The following MROH9 variants were observed in gnomAD, a reference collection of about 807,000 sequenced individuals.
The protein encoded by MROH9 is maestro heat like repeat family member 9.
Under a neutral mutation model 98.2 loss-of-function variants are expected in MROH9, and 92 were observed. The ratio of observed to expected loss-of-function variants is 0.94; its 90% CI spans 0.79 to 1.11. The LOEUF (loss-of-function observed/expected upper bound fraction) is 1.11, where lower values mean the gene tolerates loss of function less well. MROH9 is among the 50% of genes most tolerant of loss of function. MROH9 has a pLI of 0.00. For missense variants in MROH9, 1,057 were observed against 1,014.8 expected, an observed-to-expected ratio of 1.04 and a Z score of -0.57; for synonymous variants, 397 against 368.9, an observed-to-expected ratio of 1.08 and a Z score of -0.87.
intron 20 of MROH9, among the ~76,000 whole-genome samples, chr1:171,037,304 A>G (rs1196455219): frequency 6.6e-6 from 1 of 151,202 alleles, no homozygotes; most frequent in Non-Finnish European, 1.5e-5. Context: ...AGGAAGGAAG[A>G]CTTTTGGAAG....
chr1:170,971,584 G>C (rs144258029), intron 7 of MROH9, among the ~76,000 whole-genome samples, 164 bp from the exon 8 acceptor site: 265 of 152,310 alleles, frequency 1.7e-3, no homozygotes, highest in African/African-American at 6.1e-3. Flanking sequence ...CACAGATGAG[G>C]AAATTGAGAG....
At chr1:171,022,169 T>C (rs929251032) in intron 17 of MROH9, among the ~76,000 whole-genome samples, 1 of 152,162 alleles carries the variant, frequency 6.6e-6, no homozygotes, top group African/African-American at 2.4e-5. Context: ...TTAATTCAAC[T>C]ATTGTGGAAT....
At chr1:170,981,763 TG>T (rs1460548437) in intron 8 of MROH9, among the ~76,000 whole-genome samples, 1 of 148,446 alleles carries the variant, frequency 6.7e-6, no homozygotes, top group Non-Finnish European at 1.5e-5. Flanking sequence ...AAACTCTCTA[TG>T]AAAAAAGACA....
intron 8 of MROH9, among the ~76,000 whole-genome samples, chr1:170,981,437 G>A (rs1487199201): frequency 6.6e-6 from 1 of 152,142 alleles, no homozygotes; most frequent in Non-Finnish European, 1.5e-5. Flanking sequence ...GGCACAAAAA[G>A]GAATGAGATC....
chr1:170,991,025 C>T (rs1316437038), intron 11 of MROH9, among the ~76,000 whole-genome samples: 3 of 152,144 alleles, frequency 2.0e-5, no homozygotes, highest in Non-Finnish European at 4.4e-5. Flanking sequence ...AGGAACTAAG[C>T]ACCCACTTTG....
At chr1:170,995,575 TC>T (rs1384757654) in intron 13 of MROH9, 44 bp downstream of exon 13, 1 of 1,605,112 alleles carries the variant, frequency 6.2e-7, no homozygotes, top group Admixed American at 1.7e-5. Flanking sequence ...GAGATAAGCG[TC>T]CAGCTGTCAA....
At position 170,996,563 on chromosome 1, in the gene MROH9, A is replaced by C. The variant is rs1651576951; in HGVS notation, c.1394A>C (p.Asp465Ala). 3.7e-6 allele frequency: 6 copies of C among 1,613,606 alleles called. No homozygotes were observed. Among genetic ancestry groups the C allele is most frequent in the Non-Finnish European group, 5.1e-6 (6 of 1,179,682 alleles). Residue 465 changes from aspartate (D) to alanine (A), a missense_variant, in exon 14 of 22, where the codon GAT (aspartate) becomes GCT (alanine). Asp to Ala is a moderately radical substitution (Grantham distance 126). Coordinates refer to ENST00000367759, the MANE Select transcript of MROH9 (RefSeq NM_001163629.2). ...LLNCSGLQQV[D>A]ITLMKENFWD... The stretch of plus-strand genomic sequence containing the variant: ...AATTGTTCTGGACTGCAACAGGTGG[A>C]TATTACTCTAATGAAGGAGAATTTC...
intron 3 of MROH9, among the ~76,000 whole-genome samples, chr1:170,957,787 A>ATT (rs1372647484): frequency 2.3e-5 from 3 of 127,996 alleles, no homozygotes; most frequent in Non-Finnish European, 5.0e-5. Flanking sequence ...CCCTGCTGGC[A>ATT]TTTTTTTGTT....
At chr1:171,042,460 T>C (rs1396248057) in intron 20 of MROH9, among the ~76,000 whole-genome samples, 2 of 152,136 alleles carry the variant, frequency 1.3e-5, no homozygotes, top group Non-Finnish European at 2.9e-5. Flanking sequence ...GAAATGCAGA[T>C]ATATCTTTGA....
In MROH9 at chr1:170,983,409, C is replaced by T; in HGVS notation, c.617-13C>T. 4 of 1,563,444 alleles carry T rather than the reference C, an allele frequency of 2.6e-6. No individual in the cohort carries two copies. Among genetic ancestry groups the T allele is most frequent in the Non-Finnish European group, 3.5e-6 (4 of 1,140,172 alleles). ...CAAATAACAACCTGAAACTCTTTTT[C>T]TTAACAAAGCAGATATTGGAACAAA... On this transcript the variant is annotated splice_polypyrimidine_tract_variant and intron_variant, in intron 8 of 21. Transcript: ENST00000367759.
intron 8 of MROH9, among the ~76,000 whole-genome samples, chr1:170,981,294 T>C (rs1650920068): frequency 6.6e-6 from 1 of 152,166 alleles, no homozygotes; most frequent in Non-Finnish European, 1.5e-5. Context: ...CATTCTACTA[T>C]AAAGACATAT....
intron 20 of MROH9, among the ~76,000 whole-genome samples, chr1:171,055,061 G>A (rs571382261): frequency 2.7e-5 from 4 of 150,342 alleles, no homozygotes; most frequent in East Asian, 1.9e-4. Context: ...ACTTGCACAC[G>A]CATGTTTATG....
intron 9 of MROH9, among the ~76,000 whole-genome samples, chr1:170,984,037 G>A (rs1216590507): frequency 2.0e-5 from 3 of 152,120 alleles, no homozygotes; most frequent in African/African-American, 4.8e-5. Context: ...ACACTGTCTC[G>A]ACCCTTGGGA....
chr1:170,999,330 C>A (rs1320594943), intron 15 of MROH9, among the ~76,000 whole-genome samples: 2 of 152,080 alleles, frequency 1.3e-5, no homozygotes, highest in African/African-American at 2.4e-5. Context: ...ACTCTTTCCC[C>A]CAAGTCCCCA....
Position 170,995,439 on chromosome 1 carries a change from G to A in MROH9, c.1245G>A (p.Ala415=), listed in dbSNP as rs768330738. 1.2e-5 allele frequency: 19 copies of A among 1,613,426 alleles called. No individual in the cohort carries two copies. The highest frequency in any genetic ancestry group is 6.6e-5 in the South Asian group (6 of 91,068). ...TFLPLGSYRK[A]VAQYFPQLLT... Reference sequence around the variant, plus strand: ...TGCCTCTTGGTTCCTACAGGAAAGCGGTGGCCCAGTATTTCCCCCAGCTCT... The same window carrying A: ...TGCCTCTTGGTTCCTACAGGAAAGCAGTGGCCCAGTATTTCCCCCAGCTCT... The change falls in exon 13 of 22, where the codon GCG becomes GCA. Residue 415 remains alanine (A), a synonymous_variant. Transcript: ENST00000367759.
intron 10 of MROH9, among the ~76,000 whole-genome samples, chr1:170,989,099 G>A (rs551092074): frequency 1.3e-5 from 2 of 151,846 alleles, no homozygotes; most frequent in African/African-American, 4.8e-5. Flanking sequence ...GTAACTGCAG[G>A]GTAATGTAAA....
chr1:171,045,994 T>A (rs1653462404), intron 20 of MROH9, among the ~76,000 whole-genome samples: 2 of 152,304 alleles, frequency 1.3e-5, no homozygotes, highest in South Asian at 4.1e-4. Flanking sequence ...TGCATATATA[T>A]TTTAAATTGT....
At chr1:171,048,874 C>T (rs375753733) in intron 20 of MROH9, among the ~76,000 whole-genome samples, 11 of 152,260 alleles carry the variant, frequency 7.2e-5, no homozygotes, top group African/African-American at 2.4e-4. Context: ...ATGAATGCTG[C>T]CAGGACAGAC....
chr1:170,985,069 G>C (rs1402627204), intron 9 of MROH9, among the ~76,000 whole-genome samples: 1 of 152,126 alleles, frequency 6.6e-6, no homozygotes, highest in East Asian at 1.9e-4. Flanking sequence ...TTATATAGTG[G>C]TTGGTTGTAA....
Sources: gnomAD v4.1 joint callset for allele counts (sites outside exome capture counted in the v4.1 genomes callset) on GRCh38, gnomAD v4.1.1 for gene constraint, MANE v1.5 for transcripts, NCBI Gene and HGNC (gene_info 2026-07-23, HGNC 2026-07-21) for gene names.